ANKRD12: variants seen among roughly 807,000 people sequenced by gnomAD.
ANKRD12 encodes ankyrin repeat domain 12, also known as ankyrin repeat domain-containing protein 12.
Under a neutral mutation model 183.4 loss-of-function variants are expected in ANKRD12, and 85 were observed. That is an observed-to-expected ratio of 0.46 (90% CI 0.39 to 0.56). The LOEUF (loss-of-function observed/expected upper bound fraction) is 0.56. Among genes scored for constraint, ANKRD12 ranks in the 20% least tolerant of loss-of-function variants. The pLI, the probability that ANKRD12 is intolerant of heterozygous loss-of-function variation, is 0.00. For missense variants in ANKRD12, 2,405 were observed against 2,357.1 expected, an observed-to-expected ratio of 1.02 and a Z score of -0.42; for synonymous variants, 914 against 800.2, an observed-to-expected ratio of 1.14 and a Z score of -2.40.
intron 10 of ANKRD12, among the ~76,000 whole-genome samples, chr18:9,266,551 C>T (rs1463999389): frequency 3.3e-5 from 5 of 152,150 alleles, no homozygotes; most frequent in Non-Finnish European, 7.3e-5. Flanking sequence ...AAATACTTTA[C>T]AGACAAGCAA....
chr18:9,144,592 A>G (rs894246292), intron 1 of ANKRD12, among the ~76,000 whole-genome samples: 2 of 152,226 alleles, frequency 1.3e-5, no homozygotes, highest in Admixed American at 1.3e-4. Context: ...TGAAGTGCTA[A>G]TAGACTGGCA....
At chr18:9,260,425 T>G (rs2038896887) in intron 9 of ANKRD12, 1 of 152,188 alleles carries the variant, frequency 6.6e-6, no homozygotes, top group Admixed American at 6.5e-5. Flanking sequence ...TTCCAGTACT[T>G]TAATCATAAT....
intron 1 of ANKRD12, among the ~76,000 whole-genome samples, chr18:9,179,364 G>A (rs561008969): frequency 6.6e-6 from 1 of 152,300 alleles, no homozygotes; most frequent in African/African-American, 2.4e-5. Context: ...GATCTTAGAA[G>A]AGAAAGCATT....
chr18:9,191,511 CTG>C (rs1376871440), intron 2 of ANKRD12, among the ~76,000 whole-genome samples: 1 of 151,848 alleles, frequency 6.6e-6, no homozygotes, highest in Non-Finnish European at 1.5e-5. Flanking sequence ...TGGCACAGAC[CTG>C]TATCTTATGT....
intron 3 of ANKRD12, among the ~76,000 whole-genome samples, chr18:9,195,908 C>G (rs975037119): frequency 6.6e-6 from 1 of 152,024 alleles, no homozygotes; most frequent in Non-Finnish European, 1.5e-5. Flanking sequence ...TTATTCCTTA[C>G]TCTTTGAATG....
At chr18:9,217,042 C>T (rs1196240540) in intron 7 of ANKRD12, 142 bp downstream of exon 7, 2 of 747,834 alleles carry the variant, frequency 2.7e-6, no homozygotes, top group Admixed American at 3.4e-5. Flanking sequence ...TTTGTTTTCC[C>T]TTTTTTCTAC....
chr18:9,280,918 A>T (rs2040083781), intron 12 of ANKRD12, 23 bp from the exon 13 acceptor site: 15 of 1,589,568 alleles, frequency 9.4e-6, no homozygotes, highest in Non-Finnish European at 1.3e-5. Flanking sequence ...ATAATCAAGT[A>T]ACTCTTCTCT....
intron 8 of ANKRD12, among the ~76,000 whole-genome samples, chr18:9,247,259 G>A (rs1404025913): frequency 1.3e-5 from 2 of 151,352 alleles, no homozygotes; most frequent in Non-Finnish European, 2.9e-5. Context: ...CAGGAGGATC[G>A]CTTGAGGCCT....
intron 2 of ANKRD12, among the ~76,000 whole-genome samples, chr18:9,194,817 C>G (rs2034675254): frequency 6.6e-6 from 1 of 152,044 alleles, no homozygotes; most frequent in African/African-American, 2.4e-5. Flanking sequence ...ACCATTCAAC[C>G]CAGCAATCCC....
chr18:9,160,348 A>C (rs1305838427), intron 1 of ANKRD12, among the ~76,000 whole-genome samples: 1 of 152,222 alleles, frequency 6.6e-6, no homozygotes, highest in African/African-American at 2.4e-5. Context: ...CCTGGCCTCA[A>C]GTGATCCTCC....
At chr18:9,247,753 G>C (rs565748778) in intron 8 of ANKRD12, among the ~76,000 whole-genome samples, 12 of 152,016 alleles carry the variant, frequency 7.9e-5, no homozygotes, top group Non-Finnish European at 1.6e-4. Flanking sequence ...TCTGGATTTT[G>C]AGTATTGCAT....
intron 10 of ANKRD12, among the ~76,000 whole-genome samples, chr18:9,264,744 C>G (rs1460944056): frequency 6.6e-6 from 1 of 150,918 alleles, no homozygotes; most frequent in Non-Finnish European, 1.5e-5. Context: ...TAATATAACA[C>G]ACATCAATAG....
intron 7 of ANKRD12, among the ~76,000 whole-genome samples, chr18:9,219,458 T>A (rs1231917656): frequency 6.6e-6 from 1 of 152,114 alleles, no homozygotes; most frequent in Non-Finnish European, 1.5e-5. Flanking sequence ...GAAACAAATA[T>A]TTTGGAAGAT....
rs759573828 is a variant in ANKRD12, at chr18:9,255,706, G to A, written c.2439G>A (p.Lys813=). The A allele has an allele frequency of 2.7e-5, 43 of 1,597,138 alleles. No homozygotes were observed. Among genetic ancestry groups the A allele is most frequent in the Non-Finnish European group, 3.4e-5 (40 of 1,175,592 alleles). Residue 813 remains lysine (K), a synonymous_variant, in exon 9 of 13, where the codon AAG becomes AAA. Coordinates refer to ENST00000262126, the MANE Select transcript of ANKRD12 (RefSeq NM_015208.5). ...EKEIDIEKQE[K]HIKESKEKPE... is the part of the protein sequence containing the mutation. ...AAATAGACATTGAAAAACAAGAAAAGCATATAAAGGAAAGTAAAGAAAAAC... is the reference window on the plus strand; with the variant it reads ...AAATAGACATTGAAAAACAAGAAAAACATATAAAGGAAAGTAAAGAAAAAC...
intron 8 of ANKRD12, among the ~76,000 whole-genome samples, chr18:9,222,383 T>C (rs573374377): frequency 6.6e-6 from 1 of 152,294 alleles, no homozygotes; most frequent in South Asian, 2.1e-4. Flanking sequence ...GGTGTCCTGG[T>C]GTTAACGAGT....
rs756359956 is a variant in ANKRD12 at position 9,256,419 on chromosome 18, A to G, written c.3152A>G (p.Lys1051Arg). The G allele has an allele frequency of 3.1e-6, 5 of 1,611,498 alleles. No individual in the cohort carries two copies. The South Asian group carries it at 5.5e-5, about 18-fold the overall frequency. Reference protein sequence around the residue: ...SLLKLKSEADKPKPKSSPASK... With the variant: ...SLLKLKSEADRPKPKSSPASK... The stretch of plus-strand genomic sequence containing the variant: ...CTCAAACTAAAATCTGAAGCAGATA[A>G]GCCTAAACCTAAGTCATCACCAGCA... Residue 1051 changes from lysine to arginine, a missense_variant, in exon 9 of 13, where the codon AAG (lysine) becomes AGG (arginine). Around this residue, in one of 7 missense-constraint regions of ANKRD12, gnomAD observed 1,983 missense variants for 1,725.9 expected, o/e 1.15. Transcript: ENST00000262126.
At chr18:9,162,424 C>T (rs1209960629) in intron 1 of ANKRD12, among the ~76,000 whole-genome samples, 1 of 152,080 alleles carries the variant, frequency 6.6e-6, no homozygotes, top group Non-Finnish European at 1.5e-5. Flanking sequence ...TGTATGTTTA[C>T]CACATTTTCT....
chr18:9,244,306 A>G (rs997683510), intron 8 of ANKRD12, among the ~76,000 whole-genome samples: 1 of 152,166 alleles, frequency 6.6e-6, no homozygotes, highest in African/African-American at 2.4e-5. Context: ...TTATTCAAAT[A>G]TATTGCTTTT....
At chr18:9,249,845 A>G (rs2145110822) in intron 8 of ANKRD12, 1 of 152,340 alleles carries the variant, frequency 6.6e-6, no homozygotes, top group African/African-American at 2.4e-5. Flanking sequence ...TAGAACCCAT[A>G]TAAATATGCA....
Sources: gnomAD v4.1 joint callset for allele counts (sites outside exome capture counted in the v4.1 genomes callset) on GRCh38, gnomAD v4.1.1 for gene constraint, gnomAD v4.1.1 regional missense constraint, MANE v1.5 for transcripts, NCBI Gene and HGNC (gene_info 2026-07-23, HGNC 2026-07-21) for gene names.